PKNOX2: variants seen among roughly 807,000 people sequenced by gnomAD.
The protein encoded by PKNOX2 is homeobox protein PKNOX2.
PKNOX2 carries 14 observed loss-of-function variants against 53.1 expected under a neutral mutation model. That is an observed-to-expected ratio of 0.26 (90% CI 0.17 to 0.41). PKNOX2 has a LOEUF of 0.41. Ranked by LOEUF, PKNOX2 falls within the 10% of genes least tolerant of loss-of-function variation. The pLI is 1.00. For synonymous variants in PKNOX2, 257 were observed against 242.8 expected (o/e 1.06, Z -0.54); for missense variants, 496 against 602.8 (o/e 0.82, Z 1.85).
chr11:125,333,537 C>CACACACAT (rs1950255001), intron 3 of PKNOX2, among the ~76,000 whole-genome samples: 1 of 143,872 alleles, frequency 7.0e-6, no homozygotes, highest in African/African-American at 2.9e-5. Context: ...AGTCCCAAGA[C>CACACACAT]ACACACACAC....
chr11:125,316,952 C>T (rs548167528), intron 2 of PKNOX2, among the ~76,000 whole-genome samples: 1 of 152,320 alleles, frequency 6.6e-6, no homozygotes, highest in South Asian at 2.1e-4. Flanking sequence ...TTTTTTCAAA[C>T]TTGGAGTCAA....
At position 125,367,934 on chromosome 11, in the gene PKNOX2, C is replaced by A; in HGVS notation, c.176C>A (p.Ala59Asp). ...SAAASTPVPS[A>D]PIDPQAQLEA... ...GCTGCCAGCACACCTGTGCCCAGTGCCCCCATCGACCCCCAGGCCCAGCTG... is the reference window on the plus strand; with the variant it reads ...GCTGCCAGCACACCTGTGCCCAGTGACCCCATCGACCCCCAGGCCCAGCTG... The change falls in exon 5 of 13, where the codon GCC becomes GAC. Residue 59 changes from alanine to aspartate, a missense_variant. Physicochemically the swap from Ala to Asp is moderately radical, Grantham distance 126. Around this residue, in one of 5 missense-constraint regions of PKNOX2, gnomAD observed 168 missense variants for 178.4 expected, o/e 0.94. Transcript: ENST00000298282. 2 of 1,613,392 alleles carry A rather than the reference C, an allele frequency of 1.2e-6. No individual in the cohort carries two copies. The highest frequency in any genetic ancestry group is 1.7e-6 in the Non-Finnish European group (2 of 1,179,716).
Position 125,195,994 on chromosome 11 carries a change from C to T in PKNOX2, c.-201+31218C>T, listed in dbSNP as rs997523685. On this transcript the variant is annotated intron_variant, in intron 1 of 12. Transcript: ENST00000298282. ...CTGGGTTTACAGCCTCAGGCCGGTC[C>T]CCTCCCCCACCACTTAGGTGGCCTC... Among the ~76,000 whole-genome samples the T allele has an allele frequency of 5.3e-5, 8 of 152,034 alleles. 1 individual carries two copies. Among genetic ancestry groups the T allele is most frequent in the African/African-American group, 1.9e-4 (8 of 41,400 alleles).
At chr11:125,361,427 C>A (rs1951919041) in intron 4 of PKNOX2, among the ~76,000 whole-genome samples, 1 of 152,158 alleles carries the variant, frequency 6.6e-6, no homozygotes. Flanking sequence ...AAACCTGAAA[C>A]CCCAGAAGGT....
At chr11:125,380,503 T>C (rs1376301780) in intron 5 of PKNOX2, among the ~76,000 whole-genome samples, 2 of 152,130 alleles carry the variant, frequency 1.3e-5, no homozygotes, top group Non-Finnish European at 2.9e-5. Flanking sequence ...CTCAGCTCTT[T>C]GGATATAAAG....
chr11:125,317,537 G>T (rs1385640209), intron 2 of PKNOX2, among the ~76,000 whole-genome samples: 1 of 152,198 alleles, frequency 6.6e-6, no homozygotes, highest in East Asian at 1.9e-4. Flanking sequence ...TAATCTCCTT[G>T]TACATCTCCA....
rs367867190 is a variant in PKNOX2 at position 125,195,317 on chromosome 11, G to A, written c.-201+30541G>A. 6.6e-4 allele frequency among the ~76,000 whole-genome samples: 100 copies of A among 152,252 alleles called. 1 individual carries two copies. Among genetic ancestry groups the A allele is most frequent in the African/African-American group, 2.2e-3 (90 of 41,538 alleles). ...TGTGCCTTTATCCTCTTGCTTACTC[G>A]TTCAAGACACGTGCTTTTCCTACCC... On this transcript the variant is annotated intron_variant, in intron 1 of 12. Coordinates refer to ENST00000298282, the MANE Select transcript of PKNOX2 (RefSeq NM_001382323.2).
At chr11:125,382,893 G>A (rs1416524995) in intron 5 of PKNOX2, among the ~76,000 whole-genome samples, 2 of 152,162 alleles carry the variant, frequency 1.3e-5, no homozygotes, top group Non-Finnish European at 2.9e-5. Context: ...TGGATCTCCT[G>A]GCAGTTTGGG....
rs538285155 is a variant in PKNOX2 at position 125,269,571 on chromosome 11, G to A, written c.-130+34456G>A. On this transcript the variant is annotated intron_variant, in intron 2 of 12. Transcript: ENST00000298282. ...GGCAGAGGCACGACCAAGTCTCCTAGACTGAGGCCCTCTTGGACTCTCAGC... is the reference window on the plus strand; with the variant it reads ...GGCAGAGGCACGACCAAGTCTCCTAAACTGAGGCCCTCTTGGACTCTCAGC... Among the ~76,000 whole-genome samples, 38 of 152,336 alleles carry A rather than the reference G, an allele frequency of 2.5e-4. 1 individual carries two copies. The highest frequency in any genetic ancestry group is 8.9e-4 in the African/African-American group (37 of 41,572).
intron 4 of PKNOX2, among the ~76,000 whole-genome samples, chr11:125,361,088 G>A (rs190863034): frequency 6.6e-6 from 1 of 152,346 alleles, no homozygotes; most frequent in African/African-American, 2.4e-5. Context: ...AGGTAAATCT[G>A]CAGCTAAAAT....
chr11:125,324,439 A>G (rs1227579390), intron 2 of PKNOX2, among the ~76,000 whole-genome samples: 1 of 152,200 alleles, frequency 6.6e-6, no homozygotes, highest in Non-Finnish European at 1.5e-5. Flanking sequence ...TTATCCAGCA[A>G]ATATGCTGAA....
chr11:125,260,230 G>A (rs1406809216), intron 2 of PKNOX2, among the ~76,000 whole-genome samples: 1 of 151,942 alleles, frequency 6.6e-6, no homozygotes, highest in African/African-American at 2.4e-5. Context: ...ATGAAGTCTC[G>A]CTCTGTCACC....
At chr11:125,264,734 C>T (rs377608601) in intron 2 of PKNOX2, among the ~76,000 whole-genome samples, 1 of 151,016 alleles carries the variant, frequency 6.6e-6, no homozygotes, top group East Asian at 2.0e-4. Context: ...TTCCACACAT[C>T]ACAGCTGCAG....
At chr11:125,267,472 A>G (rs913546674) in intron 2 of PKNOX2, among the ~76,000 whole-genome samples, 3 of 152,198 alleles carry the variant, frequency 2.0e-5, no homozygotes, top group African/African-American at 7.2e-5. Context: ...CTGTGGAATT[A>G]TGTGAGGGAG....
At chr11:125,345,840 C>G (rs1950940435) in intron 3 of PKNOX2, among the ~76,000 whole-genome samples, 1 of 152,180 alleles carries the variant, frequency 6.6e-6, no homozygotes. Flanking sequence ...CCATACACAT[C>G]CCAAGCTGCA....
chr11:125,428,897 C>G (rs748593357), intron 10 of PKNOX2, 115 bp from the exon 11 acceptor site: 61 of 1,147,594 alleles, frequency 5.3e-5, no homozygotes, highest in Non-Finnish European at 7.3e-5. Context: ...AATTTTGGTT[C>G]CCAAACCACT....
At chr11:125,237,809 G>C (rs564800798) in intron 2 of PKNOX2, among the ~76,000 whole-genome samples, 1 of 152,148 alleles carries the variant, frequency 6.6e-6, no homozygotes, top group Non-Finnish European at 1.5e-5. Context: ...TGTCAGGTCT[G>C]GAGGAGTCCT....
intron 5 of PKNOX2, among the ~76,000 whole-genome samples, chr11:125,374,295 C>T (rs1314081840): frequency 6.6e-6 from 1 of 152,108 alleles, no homozygotes; most frequent in African/African-American, 2.4e-5. Flanking sequence ...GTGCCAGGGC[C>T]TCTGGACTAC....
intron 6 of PKNOX2, among the ~76,000 whole-genome samples, chr11:125,396,404 G>A (rs965431109): frequency 1.3e-5 from 2 of 151,954 alleles, no homozygotes; most frequent in South Asian, 2.1e-4. Flanking sequence ...TAAGGTATGA[G>A]GTTTAAATCA....
Sources: allele counts gnomAD v4.1 joint callset (sites outside exome capture counted in the v4.1 genomes callset), GRCh38; gene constraint gnomAD v4.1.1; regional missense constraint gnomAD v4.1.1; transcripts MANE v1.5; gene names NCBI Gene and HGNC (gene_info 2026-07-23, HGNC 2026-07-21).